LIG3: variants seen among roughly 807,000 people sequenced by gnomAD.
The protein encoded by LIG3 is ligase II, DNA, ATP-dependent.
In LIG3, 58 loss-of-function variants were observed where a neutral mutation model predicts 110.9. That is an observed-to-expected ratio of 0.52 (90% CI 0.42 to 0.65). LIG3 has a LOEUF of 0.65. LIG3 is among the 30% of genes least tolerant of loss of function. The probability of loss-of-function intolerance (pLI) is 0.00; values close to 1 mark genes in which losing one functional copy is unlikely to be tolerated. For synonymous variants in LIG3, 422 were observed against 472.8 expected (o/e 0.89, Z 1.39); for missense variants, 1,094 against 1,273.8 (o/e 0.86, Z 2.15).
chr17:34,986,176 A>AGGCACTC, intron 3 of LIG3, 45 bp downstream of exon 3: 2 of 1,582,522 alleles, frequency 1.3e-6, no homozygotes, highest in Non-Finnish European at 1.7e-6. Flanking sequence ...TGCTGCTTTT[A>AGGCACTC]TTTTGTATTC....
intron 3 of LIG3, among the ~76,000 whole-genome samples, chr17:34,988,050 G>A (rs970779050): frequency 6.6e-6 from 1 of 151,700 alleles, no homozygotes; most frequent in Non-Finnish European, 1.5e-5. Flanking sequence ...AAAATTAGCC[G>A]GGCGTGGTGG....
In LIG3 at chr17:34,983,261, T is replaced by A; in HGVS notation, c.256T>A (p.Cys86Ser). The A allele has an allele frequency of 6.2e-7, 1 of 1,614,258 alleles. No homozygotes were observed. Among genetic ancestry groups the A allele is most frequent in the Non-Finnish European group, 8.5e-7 (1 of 1,180,036 alleles). The change falls in exon 2 of 20, where the codon TGT (cysteine) becomes AGT (serine). Residue 86 changes from cysteine (C) to serine (S), a missense_variant. Transcript: ENST00000378526. ...GLHVGLCSGP[C>S]EMAEQRFCVD... The stretch of plus-strand genomic sequence containing the variant: ...GCATGTGGGACTCTGCAGTGGCCCC[T>A]GTGAGATGGCTGAGCAACGGTTCTG...
At position 35,006,620 on chromosome 17, in the gene LIG3, C is replaced by G. The variant is rs1240319186; in HGVS notation, c.*2114C>G. 3 of 152,230 alleles carry G rather than the reference C, an allele frequency of 2.0e-5. No individual in the cohort carries two copies. Among genetic ancestry groups the G allele is most frequent in the African/African-American group, 7.2e-5 (3 of 41,434 alleles). 9.4% of individuals were successfully genotyped at this position (152,230 alleles called of 1,614,324 possible). A position where few individuals can be genotyped will look rare whatever the true frequency, so the allele number is the denominator to read the frequency against. On this transcript the variant is annotated 3_prime_UTR_variant, in exon 20 of 20. Transcript: ENST00000378526. The stretch of plus-strand genomic sequence containing the variant: ...GGGCCTAACCTATGACTTTAGAACC[C>G]TCAGTTGCAGGTGTGCATGTTCCAG...
intron 2 of LIG3, 82 bp downstream of exon 2, chr17:34,983,634 T>G: frequency 7.5e-7 from 1 of 1,334,242 alleles, no homozygotes; most frequent in South Asian, 1.5e-5. Flanking sequence ...TCTTTCTCTT[T>G]TTTTTAACTT....
chr17:34,996,455 C>T (rs2090778766), intron 10 of LIG3, 119 bp from the exon 11 acceptor site: 2 of 896,430 alleles, frequency 2.2e-6, no homozygotes, highest in Admixed American at 2.0e-5. Context: ...GGCTTCAGAG[C>T]AGAAATAGTA....
rs905989282 is a variant in LIG3 at position 35,001,145 on chromosome 17, A to G, written c.2332-112A>G. 1.5e-5 allele frequency: 17 copies of G among 1,105,500 alleles called. No individual in the cohort carries two copies. The African/African-American group carries it at 2.6e-4, about 17-fold the overall frequency. The allele number at this position is 1,105,500 out of a possible 1,614,324, so 68.5% of individuals were successfully genotyped here. ...GGTCTCAAACTCCTGACCTCAAGTA[A>G]TCTGCCCACCTCAGCCTTCCTAAGT... On this transcript the variant is annotated intron_variant, in intron 16 of 19. Coordinates refer to ENST00000378526, the MANE Select transcript of LIG3 (RefSeq NM_013975.4).
At chr17:35,001,520 C>T (rs1215429968) in intron 17 of LIG3, 117 bp downstream of exon 17, 1 of 1,121,372 alleles carries the variant, frequency 8.9e-7, no homozygotes, top group African/African-American at 1.6e-5. Context: ...TCTCCTGAGG[C>T]AGAGCAAGGA....
chr17:34,990,616 T>G (rs1445286788), intron 4 of LIG3, among the ~76,000 whole-genome samples: 1 of 150,818 alleles, frequency 6.6e-6, no homozygotes, highest in Non-Finnish European at 1.5e-5. Context: ...TGTGTGTGTG[T>G]GAGACAGTGT....
chr17:34,980,524 G>A lies in LIG3; in HGVS notation c.-103G>A, dbSNP rs949501763. On this transcript the variant is annotated 5_prime_UTR_variant, in exon 1 of 20. Coordinates refer to ENST00000378526, the MANE Select transcript of LIG3 (RefSeq NM_013975.4). ...CGCGCTGCCTCCCGCTCTAGGACCCGGATTTAAAGAGACAGGCGCTCCAAC... is the reference window on the plus strand; with the variant it reads ...CGCGCTGCCTCCCGCTCTAGGACCCAGATTTAAAGAGACAGGCGCTCCAAC... The A allele has an allele frequency of 6.2e-6, 8 of 1,281,510 alleles. No individual in the cohort carries two copies. The highest frequency in any genetic ancestry group is 4.7e-5 in the Admixed American group (2 of 42,904). The allele number at this position is 1,281,510 out of a possible 1,614,324, so 79.4% of individuals were successfully genotyped here. A position where few individuals can be genotyped will look rare whatever the true frequency, so the allele number is the denominator to read the frequency against.
chr17:35,000,802 T>G (rs1236301162), intron 16 of LIG3, among the ~76,000 whole-genome samples: 1 of 151,606 alleles, frequency 6.6e-6, no homozygotes, highest in African/African-American at 2.4e-5. Flanking sequence ...TTAGTAGAGA[T>G]AGGGTTTTAC....
At chr17:34,998,331 C>T (rs2090801907) in intron 13 of LIG3, 35 bp downstream of exon 13, 1 of 1,563,378 alleles carries the variant, frequency 6.4e-7, no homozygotes, top group Admixed American at 1.7e-5. Flanking sequence ...CCTGTCGACT[C>T]ACTCGCAGCC....
chr17:34,994,347 C>A lies in LIG3; in HGVS notation c.1527C>A (p.Tyr509Ter), dbSNP rs760369065. The change falls in exon 9 of 20, where the codon TAC becomes TAA. Residue 509 changes from tyrosine (Y) to a stop codon, truncating the protein, a stop_gained. Transcript: ENST00000378526. LOFTEE classifies it high-confidence loss of function. Reference sequence around the variant, plus strand: ...ATGGCATGTTCTCTGAGATCAAGTACGATGGAGAGCGAGTCCAGGTGCATA... The same window carrying A: ...ATGGCATGTTCTCTGAGATCAAGTAAGATGGAGAGCGAGTCCAGGTGCATA... ...CPNGMFSEIKYDGERVQVHKN... is the reference protein window; with the variant it reads ...CPNGMFSEIK 6.2e-6 allele frequency: 10 copies of A among 1,614,094 alleles called. No homozygotes were observed. The highest frequency in any genetic ancestry group is 1.1e-5 in the South Asian group (1 of 91,086).
chr17:34,999,549 A>G (rs1218819232), intron 15 of LIG3, 100 bp downstream of exon 15: 2 of 1,444,652 alleles, frequency 1.4e-6, no homozygotes, highest in Non-Finnish European at 1.9e-6. Flanking sequence ...TCTCCCCAGA[A>G]AGAAGGGTTG....
intron 8 of LIG3, among the ~76,000 whole-genome samples, chr17:34,993,043 C>T (rs75695469): frequency 1.6e-3 from 248 of 152,234 alleles, no homozygotes; most frequent in Non-Finnish European, 2.4e-3. Context: ...TACCTGAAGA[C>T]GGATGTATTA....
intron 19 of LIG3, chr17:35,003,897 T>A (rs1238983708): frequency 4.7e-6 from 1 of 211,850 alleles, no homozygotes; most frequent in Admixed American, 5.3e-5. Flanking sequence ...GACCCCTCAG[T>A]CTAGCAGGTT....
chr17:35,001,974 C>T lies in LIG3; in HGVS notation c.2544C>T (p.Ser848=), dbSNP rs1391200200. The T allele has an allele frequency of 3.7e-6, 6 of 1,612,930 alleles. No individual in the cohort carries two copies. In the African/African-American group the frequency reaches 8.0e-5, roughly 22 times the overall value. The change falls in exon 18 of 20, where the codon TCC becomes TCT. Residue 848 remains serine (S), a synonymous_variant. Coordinates refer to ENST00000378526, the MANE Select transcript of LIG3 (RefSeq NM_013975.4). ...TAGTGGCTGGAGATGAGGGGAGCTC[C>T]ACTACAGGGGGTAGCAGTGAAGAGA... ...FTVVAGDEGS[S]TTGGSSEENK...
rs779281381 is a variant in LIG3, at chr17:35,002,658, T to C, written c.2675-10T>C. 3.1e-6 allele frequency: 5 copies of C among 1,611,314 alleles called. No individual in the cohort carries two copies. The East Asian group carries it at 6.7e-5, about 22-fold the overall frequency. The stretch of plus-strand genomic sequence containing the variant: ...GCACCACCACACCCAGCTTCCTCTC[T>C]GTCCTGCAGGCAACATGCAGACTGC... On this transcript the variant is annotated splice_polypyrimidine_tract_variant and intron_variant, in intron 18 of 19. Coordinates refer to ENST00000378526, the MANE Select transcript of LIG3 (RefSeq NM_013975.4).
chr17:34,994,264 C>T lies in LIG3; in HGVS notation c.1456-12C>T. 6.2e-7 allele frequency: 1 copy of T among 1,607,464 alleles called. No individual in the cohort carries two copies. Among genetic ancestry groups the T allele is most frequent in the Non-Finnish European group, 8.5e-7 (1 of 1,177,502 alleles). On this transcript the variant is annotated splice_polypyrimidine_tract_variant and intron_variant, in intron 8 of 19. Coordinates refer to ENST00000378526, the MANE Select transcript of LIG3 (RefSeq NM_013975.4). Reference sequence around the variant, plus strand: ...ATTGAAAGTCTCCAGGCTTTGCTTTCCCCACCCCAAGGCGGAGGCCTGCAA... The same window carrying T: ...ATTGAAAGTCTCCAGGCTTTGCTTTTCCCACCCCAAGGCGGAGGCCTGCAA...
chr17:35,002,012 C>T lies in LIG3; in HGVS notation c.2582C>T (p.Ser861Leu), dbSNP rs1226387269. The T allele has an allele frequency of 6.2e-7, 1 of 1,612,932 alleles. No individual in the cohort carries two copies. The highest frequency in any genetic ancestry group is 1.7e-4 in the Middle Eastern group (1 of 6,056). Residue 861 changes from serine (S) to leucine (L), a missense_variant, in exon 18 of 20, where the codon TCA (serine) becomes TTA (leucine). Ser to Leu is a moderately radical substitution (Grantham distance 145). Transcript: ENST00000378526. ...GGSSEENKGPSGSAVSRKAPS... is the reference protein window; with the variant it reads ...GGSSEENKGPLGSAVSRKAPS... Reference sequence around the variant, plus strand: ...AGCAGTGAAGAGAATAAGGGTCCCTCAGGGTCTGCTGTGTCCCGCAAGGCC... The same window carrying T: ...AGCAGTGAAGAGAATAAGGGTCCCTTAGGGTCTGCTGTGTCCCGCAAGGCC...
Sources: allele counts gnomAD v4.1 joint callset (sites outside exome capture counted in the v4.1 genomes callset), GRCh38; gene constraint gnomAD v4.1.1; transcripts MANE v1.5; gene names NCBI Gene and HGNC (gene_info 2026-07-23, HGNC 2026-07-21).